TSPAN33: variants seen among roughly 807,000 people sequenced by gnomAD.
The protein encoded by TSPAN33 is tetraspanin 33.
In TSPAN33, 27 loss-of-function variants were observed where a neutral mutation model predicts 34.8. The ratio of observed to expected loss-of-function variants is 0.78; its 90% CI spans 0.57 to 1.07. The LOEUF (loss-of-function observed/expected upper bound fraction) is 1.07. Among genes scored for constraint, TSPAN33 ranks in the 50% least tolerant of loss-of-function variants. The pLI is 0.00. For missense variants in TSPAN33, 272 were observed against 324.9 expected, an observed-to-expected ratio of 0.84 and a Z score of 1.25; for synonymous variants, 119 against 124.2, an observed-to-expected ratio of 0.96 and a Z score of 0.28.
rs572904751 is a variant in TSPAN33, at chr7:129,158,258, A to G, written c.103-3421A>G. Among the ~76,000 whole-genome samples, 52 of 152,348 alleles carry G rather than the reference A, an allele frequency of 3.4e-4. 1 individual carries two copies. The South Asian group carries it at 8.3e-3, about 24-fold the overall frequency. On this transcript the variant is annotated intron_variant, in intron 1 of 7. Coordinates refer to ENST00000486685, the MANE Select transcript of TSPAN33 (RefSeq NM_178562.5). ...AAAGTTCCTTTGGCCATGAAAAGTA[A>G]CACAATCACAGGTTCCAGCAATTAA...
intron 4 of TSPAN33, among the ~76,000 whole-genome samples, chr7:129,163,516 C>G (rs1162438781): frequency 6.6e-6 from 1 of 152,094 alleles, no homozygotes; most frequent in African/African-American, 2.4e-5. Context: ...CAATGCTTGC[C>G]ATATCTGGAA....
rs1374681704 is a variant in TSPAN33 at position 129,161,674 on chromosome 7, C to T, written c.103-5C>T. Reference sequence around the variant, plus strand: ...CAGGGTCTGGCTCTTTTCCTGTCTCCACAGGTGATTTCCATGGTGATGGTG... The same window carrying T: ...CAGGGTCTGGCTCTTTTCCTGTCTCTACAGGTGATTTCCATGGTGATGGTG... On this transcript the variant is annotated splice_polypyrimidine_tract_variant and splice_region_variant and intron_variant, in intron 1 of 7. Coordinates refer to ENST00000486685, the MANE Select transcript of TSPAN33 (RefSeq NM_178562.5). 1 of 1,613,990 alleles carries T rather than the reference C, an allele frequency of 6.2e-7. No homozygotes were observed. The highest frequency in any genetic ancestry group is 8.5e-7 in the Non-Finnish European group (1 of 1,180,004).
chr7:129,167,860 G>A lies in TSPAN33; in HGVS notation c.838G>A (p.Asp280Asn). 3 of 1,613,998 alleles carry A rather than the reference G, an allele frequency of 1.9e-6. No individual in the cohort carries two copies. The South Asian group carries it at 3.3e-5, about 18-fold the overall frequency. The change falls in exon 8 of 8, where the codon GAC (aspartate) becomes AAC (asparagine). Residue 280 changes from aspartate to asparagine, a missense_variant. Physicochemically the swap from Asp to Asn is conservative, Grantham distance 23. Transcript: ENST00000486685. The surrounding 1 kb of genome is among the most constrained non-coding windows in gnomAD (Gnocchi z 4.6). ...GCTCTACAACCAGCAGCACCGGGCTGACCCATGGTACTGAGAATCCATCCT... is the reference window on the plus strand; with the variant it reads ...GCTCTACAACCAGCAGCACCGGGCTAACCCATGGTACTGAGAATCCATCCT... ...LQLYNQQHRA[D>N]PWY
At chr7:129,166,668 A>G in intron 5 of TSPAN33, 110 bp from the exon 6 acceptor site, 1 of 1,403,042 alleles carries the variant, frequency 7.1e-7, no homozygotes, top group Non-Finnish European at 9.7e-7. Flanking sequence ...AACACAACCT[A>G]AAGTTCCCAG....
chr7:129,163,893 A>G (rs1158794104), intron 4 of TSPAN33, among the ~76,000 whole-genome samples: 1 of 152,068 alleles, frequency 6.6e-6, no homozygotes, highest in Non-Finnish European at 1.5e-5. Context: ...GTAAGCTGAG[A>G]TCGCGCCACT....
chr7:129,163,970 AG>A (rs1224067892), intron 4 of TSPAN33, among the ~76,000 whole-genome samples: 1 of 151,966 alleles, frequency 6.6e-6, no homozygotes, highest in East Asian at 1.9e-4. Context: ...AGGGGAGGGG[AG>A]GGGAGAAAAT....
intron 5 of TSPAN33, 64 bp downstream of exon 5, chr7:129,164,633 T>A: frequency 1.4e-6 from 2 of 1,433,858 alleles, no homozygotes; most frequent in East Asian, 2.3e-5. Flanking sequence ...AAGAGATGCC[T>A]CACCCTCTAT....
chr7:129,161,488 T>G (rs944889181), intron 1 of TSPAN33, among the ~76,000 whole-genome samples, 191 bp from the exon 2 acceptor site: 1 of 152,198 alleles, frequency 6.6e-6, no homozygotes, highest in African/African-American at 2.4e-5. Flanking sequence ...AAAAATATGA[T>G]GTGGGTAAAA....
chr7:129,161,815 C>A lies in TSPAN33; in HGVS notation c.160+79C>A. ...TCTGCCTCCTTCAGCCTGGCCCTCA[C>A]ACATAAGCTATGGGGCTAAAGGAGG... is the stretch of plus-strand genomic sequence containing the variant. On this transcript the variant is annotated intron_variant, in intron 2 of 7. Transcript: ENST00000486685. 3 of 1,577,810 alleles carry A rather than the reference C, an allele frequency of 1.9e-6. No individual in the cohort carries two copies. In the South Asian group the frequency reaches 3.3e-5, roughly 18 times the overall value.
intron 1 of TSPAN33, among the ~76,000 whole-genome samples, chr7:129,160,815 TTGATGCAGA>T (rs1793037134): frequency 6.6e-6 from 1 of 152,224 alleles, no homozygotes; most frequent in South Asian, 2.1e-4. Flanking sequence ...AACCTGTCCT[TTGATGCAGA>T]TAGATTCGAA....
chr7:129,164,654 C>T lies in TSPAN33; in HGVS notation c.459+85C>T, dbSNP rs888803350. On this transcript the variant is annotated intron_variant, in intron 5 of 7. Coordinates refer to ENST00000486685, the MANE Select transcript of TSPAN33 (RefSeq NM_178562.5). The stretch of plus-strand genomic sequence containing the variant: ...TGCCTCACCCTCTATGCCTGTGGGG[C>T]TCTTCATTACCTGCCAGGTAATGGC... 53 of 1,265,318 alleles carry T rather than the reference C, an allele frequency of 4.2e-5. 1 individual carries two copies. In the African/African-American group the frequency reaches 6.9e-4, roughly 16 times the overall value. 78.4% of individuals were successfully genotyped at this position (1,265,318 alleles called of 1,614,324 possible).
Position 129,167,026 on chromosome 7 carries a change from T to G in TSPAN33, c.588+120T>G. ...TCACCGATCAGTCATGTGGGACAGCTGTCAGGTGTTTTTCTTCACCCCAAC... is the reference window on the plus strand; with the variant it reads ...TCACCGATCAGTCATGTGGGACAGCGGTCAGGTGTTTTTCTTCACCCCAAC... On this transcript the variant is annotated intron_variant, in intron 6 of 7. Coordinates refer to ENST00000486685, the MANE Select transcript of TSPAN33 (RefSeq NM_178562.5). This position sits in a 1 kb window ranked among gnomAD's most constrained non-coding sequence, Gnocchi z 4.6. 8.0e-7 allele frequency: 1 copy of G among 1,251,456 alleles called. No individual in the cohort carries two copies. The highest frequency in any genetic ancestry group is 1.1e-6 in the Non-Finnish European group (1 of 899,292). The allele number at this position is 1,251,456 out of a possible 1,614,324, so 77.5% of individuals were successfully genotyped here.
At chr7:129,162,985 G>C in intron 4 of TSPAN33, 78 bp downstream of exon 4, 1 of 1,400,524 alleles carries the variant, frequency 7.1e-7, no homozygotes, top group South Asian at 1.2e-5. Context: ...GTTTAGCCTG[G>C]TTAATTAACC....
intron 1 of TSPAN33, among the ~76,000 whole-genome samples, chr7:129,151,851 C>T (rs1385717048): frequency 6.6e-6 from 1 of 152,074 alleles, no homozygotes; most frequent in Non-Finnish European, 1.5e-5. Context: ...GAGACATACA[C>T]CTAGCAGCCA....
intron 1 of TSPAN33, among the ~76,000 whole-genome samples, chr7:129,145,567 C>T (rs1810509713): frequency 6.6e-6 from 1 of 151,772 alleles, no homozygotes; most frequent in Non-Finnish European, 1.5e-5. Flanking sequence ...CACCTCCACC[C>T]CCCCAAAGTC....
chr7:129,153,848 G>A (rs973620723), intron 1 of TSPAN33, among the ~76,000 whole-genome samples: 4 of 152,106 alleles, frequency 2.6e-5, no homozygotes, highest in Non-Finnish European at 5.9e-5. Context: ...GGCTGAGGCA[G>A]GAGGATTGCT....
At chr7:129,157,076 A>G (rs1810673881) in intron 1 of TSPAN33, among the ~76,000 whole-genome samples, 2 of 152,226 alleles carry the variant, frequency 1.3e-5, no homozygotes, top group Non-Finnish European at 2.9e-5. Context: ...CCTCATCGTG[A>G]AAGGAGGTCA....
At chr7:129,161,517 G>A (rs1393844847) in intron 1 of TSPAN33, among the ~76,000 whole-genome samples, 162 bp from the exon 2 acceptor site, 1 of 152,232 alleles carries the variant, frequency 6.6e-6, no homozygotes, top group Non-Finnish European at 1.5e-5. Context: ...TGGAGGTAAA[G>A]CCCTGACAGA....
At chr7:129,164,591 G>A in intron 5 of TSPAN33, 22 bp downstream of exon 5, 1 of 1,600,738 alleles carries the variant, frequency 6.2e-7, no homozygotes, top group Non-Finnish European at 8.6e-7. Context: ...CCAGTGGTCT[G>A]GGGGACTGTG....
Sources: allele counts gnomAD v4.1 joint callset (sites outside exome capture counted in the v4.1 genomes callset), GRCh38; gene constraint gnomAD v4.1.1; non-coding constraint Gnocchi (gnomAD v3.1); transcripts MANE v1.5; gene names NCBI Gene and HGNC (gene_info 2026-07-23, HGNC 2026-07-21).